Variants in SLC35F3 observed in about 807,000 individuals in gnomAD.
The protein encoded by SLC35F3 is putative thiamine transporter SLC35F3.
A neutral mutation model predicts 49.9 loss-of-function variants in SLC35F3; 25 were observed. The ratio of observed to expected loss-of-function variants is 0.50; its 90% confidence interval spans 0.37 to 0.70. The LOEUF is 0.70. Among genes scored for constraint, SLC35F3 ranks in the 30% least tolerant of loss-of-function variants. SLC35F3 has a pLI of 0.00. For missense variants in SLC35F3, 525 were observed against 639.8 expected, an observed-to-expected ratio of 0.82 and a Z score of 1.94; for synonymous variants, 275 against 265.4, an observed-to-expected ratio of 1.04 and a Z score of -0.35.
intron 3 of SLC35F3, among the ~76,000 whole-genome samples, chr1:234,282,182 T>C (rs1433819169): frequency 6.6e-6 from 1 of 152,240 alleles, no homozygotes; most frequent in Non-Finnish European, 1.5e-5. Flanking sequence ...AGACAGCTAC[T>C]GCTGTGCTCA....
rs1296323508 is a variant in SLC35F3 at position 234,320,743 on chromosome 1, G to A, written c.1237+556G>A. On this transcript the variant is annotated intron_variant, in intron 7 of 7. Transcript: ENST00000366618. This position sits in a 1 kb window ranked among gnomAD's most constrained non-coding sequence, Gnocchi z 4.8. ...GCCCTTTGCCCAGGAACTCGGGACT[G>A]CCCTTTGTTTTCCCCTGGGGACTCG... 6.6e-6 allele frequency among the ~76,000 whole-genome samples: 1 copy of A among 152,196 alleles called. No individual in the cohort carries two copies. The highest frequency in any genetic ancestry group is 2.4e-5 in the African/African-American group (1 of 41,448).
At chr1:234,314,241 T>G (rs596074) in intron 4 of SLC35F3, among the ~76,000 whole-genome samples, 109,529 of 152,022 alleles carry the variant, frequency 0.72, 39,815 homozygotes, top group African/African-American at 0.81. Context: ...AAGGTCAATG[T>G]CCAACCGTGC....
chr1:233,941,500 A>G (rs111513691), intron 2 of SLC35F3, among the ~76,000 whole-genome samples: 2 of 152,202 alleles, frequency 1.3e-5, no homozygotes, highest in South Asian at 2.1e-4. Flanking sequence ...GCTGTGCACT[A>G]TGGTACCTGG....
At chr1:234,086,745 C>T (rs1664967602) in intron 2 of SLC35F3, among the ~76,000 whole-genome samples, 1 of 152,170 alleles carries the variant, frequency 6.6e-6, no homozygotes, top group African/African-American at 2.4e-5. Context: ...AATCTCCTCA[C>T]ATGCATGACA....
At chr1:234,194,900 A>G (rs534295272) in intron 2 of SLC35F3, among the ~76,000 whole-genome samples, 5 of 152,330 alleles carry the variant, frequency 3.3e-5, no homozygotes, top group African/African-American at 1.2e-4. Flanking sequence ...GCTGAGGAGC[A>G]ATTAGGGCGA....
Position 233,935,189 on chromosome 1 carries a change from C to CTTTTTTTTTTT in SLC35F3, c.283+29449_283+29459dup, listed in dbSNP as rs35418747. On this transcript the variant is annotated intron_variant, in intron 2 of 7. Coordinates refer to ENST00000366618, the MANE Select transcript of SLC35F3 (RefSeq NM_173508.4). ...CACAATGAGCTGGGTTTTCCTTGCC[C>CTTTTTTTTTTT]TTTTTTTTTTTTTTTTTTTTTTTTT... Among the ~76,000 whole-genome samples, 84 of 50,318 alleles carry CTTTTTTTTTTT rather than the reference C, an allele frequency of 1.7e-3. 12 individuals carry two copies. The highest frequency in any genetic ancestry group is 2.5e-3 in the South Asian group (2 of 790). The allele number at this position is 50,318 out of a possible 152,430, so 33.0% of individuals were successfully genotyped here. A position where few individuals can be genotyped will look rare whatever the true frequency, so the allele number is the denominator to read the frequency against.
At chr1:234,047,985 T>A (rs1664319367) in intron 2 of SLC35F3, among the ~76,000 whole-genome samples, 1 of 152,150 alleles carries the variant, frequency 6.6e-6, no homozygotes, top group Non-Finnish European at 1.5e-5. Context: ...CTGGTGCCAT[T>A]CTGGTGGTCT....
chr1:234,031,715 C>A (rs1664065762), intron 2 of SLC35F3, among the ~76,000 whole-genome samples: 1 of 152,040 alleles, frequency 6.6e-6, no homozygotes. Context: ...CAGTCCAACT[C>A]CTCTTCTTTG....
chr1:234,224,126 G>A (rs376300953), intron 2 of SLC35F3, among the ~76,000 whole-genome samples: 197 of 152,188 alleles, frequency 1.3e-3, no homozygotes, highest in African/African-American at 4.3e-3. Flanking sequence ...GTGCACTGGC[G>A]CAATCACTGG....
intron 2 of SLC35F3, among the ~76,000 whole-genome samples, chr1:234,108,705 T>G (rs1190686108): frequency 1.1e-4 from 9 of 80,820 alleles, no homozygotes; most frequent in Non-Finnish European, 1.8e-4. Context: ...ATATATATTA[T>G]ATATATAAAA....
rs139174845 is a variant in SLC35F3, at chr1:234,097,330, A to G, written c.284-134087A>G. On this transcript the variant is annotated intron_variant, in intron 2 of 7. Transcript: ENST00000366618. ...TGTAACCAAAAATCACTTGTACCCC[A>G]AAGCTATCAAAATTAAAAAGAAAAT... Among the ~76,000 whole-genome samples the G allele has an allele frequency of 3.6e-3, 551 of 152,312 alleles. 6 individuals carry two copies. The highest frequency in any genetic ancestry group is 0.013 in the African/African-American group (526 of 41,578).
chr1:234,271,248 G>T (rs1668099229), intron 3 of SLC35F3, among the ~76,000 whole-genome samples: 1 of 152,146 alleles, frequency 6.6e-6, no homozygotes, highest in Admixed American at 6.5e-5. Context: ...TTCTACGTAG[G>T]TTTATTCCTA....
chr1:234,311,932 T>C (rs986626713), intron 4 of SLC35F3, among the ~76,000 whole-genome samples: 2 of 152,228 alleles, frequency 1.3e-5, no homozygotes, highest in African/African-American at 4.8e-5. Context: ...GGAGAGAATA[T>C]TACTACTCAT....
At chr1:234,250,546 T>C (rs1028282615) in intron 3 of SLC35F3, among the ~76,000 whole-genome samples, 4 of 146,342 alleles carry the variant, frequency 2.7e-5, no homozygotes, top group Non-Finnish European at 6.0e-5. Context: ...CCCAGCTACT[T>C]GGGAGGCTGA....
rs570593391 is a variant in SLC35F3 at position 234,286,164 on chromosome 1, C to A, written c.609-22937C>A. 1.4e-4 allele frequency among the ~76,000 whole-genome samples: 21 copies of A among 152,178 alleles called. No homozygotes were observed. The South Asian group carries it at 4.1e-3, about 30-fold the overall frequency. ...GTTATTATCTCCATTTTGTAGATGA[C>A]AAAATTGAGGCTCAGAGAGGAAAAT... On this transcript the variant is annotated intron_variant, in intron 3 of 7. Transcript: ENST00000366618.
chr1:234,217,525 G>A (rs1039874890), intron 2 of SLC35F3, among the ~76,000 whole-genome samples: 3 of 152,254 alleles, frequency 2.0e-5, no homozygotes, highest in African/African-American at 7.2e-5. Context: ...AGCAATCTGA[G>A]GAGGTGTTCC....
At chr1:233,923,171 C>T (rs1246296214) in intron 2 of SLC35F3, among the ~76,000 whole-genome samples, 1 of 152,084 alleles carries the variant, frequency 6.6e-6, no homozygotes, top group East Asian at 1.9e-4. Context: ...GTAGTTTTTT[C>T]CAATTCTGTG....
intron 2 of SLC35F3, among the ~76,000 whole-genome samples, chr1:234,158,925 T>C (rs1228875338): frequency 6.6e-6 from 1 of 152,186 alleles, no homozygotes. Flanking sequence ...AGGAGATTTT[T>C]CCCCATAGTA....
chr1:234,126,143 G>T (rs1004596248), intron 2 of SLC35F3, among the ~76,000 whole-genome samples: 5 of 152,076 alleles, frequency 3.3e-5, no homozygotes, highest in African/African-American at 1.2e-4. Context: ...AGGAACTATT[G>T]TTTTCTGTTG....
Sources: allele counts gnomAD v4.1 joint callset (sites outside exome capture counted in the v4.1 genomes callset), GRCh38; gene constraint gnomAD v4.1.1; non-coding constraint Gnocchi (gnomAD v3.1); transcripts MANE v1.5; gene names NCBI Gene and HGNC (gene_info 2026-07-23, HGNC 2026-07-21).